Variants in EYS observed in about 807,000 individuals in gnomAD.
The protein encoded by EYS is protein eyes shut homolog.
Under a neutral mutation model 282.1 loss-of-function variants are expected in EYS, and 250 were observed. The observed-to-expected ratio is 0.89, with a 90% CI of 0.80 to 0.98. The LOEUF is 0.98. Among genes scored for constraint, EYS ranks in the 50% least tolerant of loss-of-function variants. The probability of loss-of-function intolerance (pLI) is 0.00; values close to 1 mark genes in which losing one functional copy is unlikely to be tolerated. For synonymous variants in EYS, 1,355 were observed against 1,282.9 expected, an observed-to-expected ratio of 1.06 and a Z score of -1.20; for missense variants, 4,016 against 3,709.0, an observed-to-expected ratio of 1.08 and a Z score of -2.15.
chr6:65,009,161 G>A (rs1472191402), intron 13 of EYS, among the ~76,000 whole-genome samples: 3 of 152,000 alleles, frequency 2.0e-5, no homozygotes, highest in Non-Finnish European at 4.4e-5. Context: ...AGCAAAGAAT[G>A]CCCATCCTGT....
At position 64,373,610 on chromosome 6, in the gene EYS, C is replaced by T. The variant is rs1258594588; in HGVS notation, c.6078+15080G>A. On this transcript the variant is annotated intron_variant, in intron 29 of 42. Coordinates refer to ENST00000503581, the MANE Select transcript of EYS (RefSeq NM_001142800.2). Reference sequence around the variant, plus strand: ...CCCTGCCATCCGGGTGTTTCCAAGGCAACAGGAAGCTGTGCCCCTTGGCAA... The same window carrying T: ...CCCTGCCATCCGGGTGTTTCCAAGGTAACAGGAAGCTGTGCCCCTTGGCAA... Among the ~76,000 whole-genome samples, 3 of 152,174 alleles carry T rather than the reference C, an allele frequency of 2.0e-5. No homozygotes were observed. The East Asian group carries it at 5.8e-4, about 30-fold the overall frequency.
intron 11 of EYS, among the ~76,000 whole-genome samples, chr6:65,317,910 C>G (rs1045392457): frequency 6.9e-6 from 1 of 144,748 alleles, no homozygotes; most frequent in African/African-American, 2.6e-5. Context: ...CTCTGTTGCC[C>G]AGGCTGGAGG....
At chr6:64,314,420 C>T (rs186761536) in intron 29 of EYS, among the ~76,000 whole-genome samples, 96 of 152,100 alleles carry the variant, frequency 6.3e-4, no homozygotes, top group South Asian at 1.2e-3. Context: ...CTTAGACTCC[C>T]GCATAATAAT....
At chr6:65,559,985 A>T (rs893870839) in intron 2 of EYS, among the ~76,000 whole-genome samples, 8 of 150,568 alleles carry the variant, frequency 5.3e-5, no homozygotes, top group Admixed American at 1.3e-4. Flanking sequence ...CTTTGAAGAC[A>T]TTTTTTTCAA....
chr6:63,963,214 G>GTATA (rs1329907811), intron 35 of EYS, among the ~76,000 whole-genome samples: 1 of 151,720 alleles, frequency 6.6e-6, no homozygotes, highest in Non-Finnish European at 1.5e-5. Context: ...CATGGCATAT[G>GTATA]TATATATATG....
At chr6:65,548,391 A>T (rs1037662285) in intron 2 of EYS, among the ~76,000 whole-genome samples, 1 of 152,222 alleles carries the variant, frequency 6.6e-6, no homozygotes, top group African/African-American at 2.4e-5. Context: ...ATAGGACATT[A>T]AAAAATTGCA....
intron 33 of EYS, among the ~76,000 whole-genome samples, chr6:64,051,600 T>G (rs1770812564): frequency 6.6e-6 from 1 of 152,100 alleles, no homozygotes. Context: ...TTGCCCATAG[T>G]TTTTTAAAAT....
At chr6:64,801,736 A>G (rs542095154) in intron 22 of EYS, among the ~76,000 whole-genome samples, 4 of 152,180 alleles carry the variant, frequency 2.6e-5, no homozygotes, top group African/African-American at 9.6e-5. Flanking sequence ...AGACAAAATC[A>G]TACCATAATT....
Position 64,997,712 on chromosome 6 carries a change from A to T in EYS, c.2138-9T>A. ...GGAAAAGCCATCAACCACTGGAAAC[A>T]ACAGAAAAGAGAAAACTCTTAACAT... On this transcript the variant is annotated splice_polypyrimidine_tract_variant and intron_variant, in intron 13 of 42. Transcript: ENST00000503581. The T allele has an allele frequency of 6.5e-7, 1 of 1,550,092 alleles. No homozygotes were observed. Among genetic ancestry groups the T allele is most frequent in the Non-Finnish European group, 8.7e-7 (1 of 1,145,934 alleles).
chr6:63,953,018 G>GTGCC (rs1765665971), intron 35 of EYS, among the ~76,000 whole-genome samples: 1 of 152,178 alleles, frequency 6.6e-6, no homozygotes, highest in African/African-American at 2.4e-5. Flanking sequence ...TTCAGGATCT[G>GTGCC]TGCCTTATCA....
intron 32 of EYS, among the ~76,000 whole-genome samples, chr6:64,079,749 T>C (rs1044360722): frequency 1.3e-5 from 2 of 152,064 alleles, no homozygotes; most frequent in Non-Finnish European, 2.9e-5. Context: ...CAGGCCCCTG[T>C]GTGTGATGTT....
At chr6:64,451,189 C>T (rs1360369321) in intron 26 of EYS, among the ~76,000 whole-genome samples, 2 of 152,118 alleles carry the variant, frequency 1.3e-5, no homozygotes, top group Non-Finnish European at 2.9e-5. Context: ...CACCACTGAT[C>T]CCACAGAAAT....
intron 19 of EYS, among the ~76,000 whole-genome samples, chr6:64,835,584 A>C (rs747632509): frequency 1.3e-5 from 2 of 151,742 alleles, no homozygotes; most frequent in African/African-American, 4.8e-5. Context: ...TGGTGATAAA[A>C]GCATGACACC....
chr6:64,338,203 G>T (rs1227657839), intron 29 of EYS, among the ~76,000 whole-genome samples: 1 of 151,920 alleles, frequency 6.6e-6, no homozygotes, highest in South Asian at 2.1e-4. Context: ...ACTGTTTGCT[G>T]ACAATATGAT....
intron 19 of EYS, among the ~76,000 whole-genome samples, chr6:64,875,016 T>G (rs1766702213): frequency 6.6e-6 from 1 of 152,064 alleles, no homozygotes; most frequent in African/African-American, 2.4e-5. Context: ...AGAAAGAGGA[T>G]GTAGCCTGGA....
At chr6:64,914,352 A>G (rs1768098689) in intron 15 of EYS, among the ~76,000 whole-genome samples, 1 of 152,176 alleles carries the variant, frequency 6.6e-6, no homozygotes, top group Non-Finnish European at 1.5e-5. Flanking sequence ...ATCATGAAAC[A>G]AGCACAGGAA....
chr6:64,128,814 T>C (rs1030386995), intron 31 of EYS, among the ~76,000 whole-genome samples: 1 of 152,178 alleles, frequency 6.6e-6, no homozygotes, highest in Non-Finnish European at 1.5e-5. Context: ...TCACTGTGTA[T>C]GGAAGGGTCT....
chr6:65,565,428 C>T (rs1460920427), intron 2 of EYS, among the ~76,000 whole-genome samples: 1 of 151,852 alleles, frequency 6.6e-6, no homozygotes, highest in Non-Finnish European at 1.5e-5. Flanking sequence ...GAATGGCGAT[C>T]ATTAAAAAGT....
intron 15 of EYS, among the ~76,000 whole-genome samples, chr6:64,920,777 G>A (rs1398036487): frequency 2.0e-5 from 3 of 151,954 alleles, no homozygotes; most frequent in African/African-American, 7.2e-5. Flanking sequence ...ATTCTTTCAG[G>A]TACAATTTGA....
Sources: gnomAD v4.1 joint callset for allele counts (sites outside exome capture counted in the v4.1 genomes callset) on GRCh38, gnomAD v4.1.1 for gene constraint, MANE v1.5 for transcripts, NCBI Gene and HGNC (gene_info 2026-07-23, HGNC 2026-07-21) for gene names.